RBFOX1: variants seen among roughly 807,000 people sequenced by gnomAD.
The protein encoded by RBFOX1 is RNA binding protein fox-1 homolog 1.
Under a neutral mutation model 57.7 loss-of-function variants are expected in RBFOX1, and 8 were observed. The ratio of observed to expected loss-of-function variants is 0.14; its 90% CI spans 0.08 to 0.25. The LOEUF (loss-of-function observed/expected upper bound fraction) is 0.25. Among genes scored for constraint, RBFOX1 ranks in the 10% least tolerant of loss-of-function variants. The pLI, the probability that RBFOX1 is intolerant of heterozygous loss-of-function variation, is 1.00. For synonymous variants in RBFOX1, 326 were observed against 222.4 expected (o/e 1.47, Z -4.15); for missense variants, 611 against 548.5 (o/e 1.11, Z -1.14).
chr16:5,286,314 C>A (rs879697623), intron 1 of RBFOX1, among the ~76,000 whole-genome samples: 5 of 152,030 alleles, frequency 3.3e-5, no homozygotes, highest in Non-Finnish European at 7.4e-5. Flanking sequence ...CACCATTGGG[C>A]TCCTGGGTGG....
chr16:5,956,678 A>ATTTTTTTTTTT (rs34743228), intron 4 of RBFOX1, among the ~76,000 whole-genome samples: 3 of 116,482 alleles, frequency 2.6e-5, no homozygotes, highest in Admixed American at 1.0e-4. Flanking sequence ...ATATATATAT[A>ATTTTTTTTTTT]TTTTTTTTGA....
intron 3 of RBFOX1, among the ~76,000 whole-genome samples, chr16:5,788,105 G>A (rs777506156): frequency 2.0e-5 from 3 of 152,158 alleles, no homozygotes; most frequent in Non-Finnish European, 4.4e-5. Flanking sequence ...CTTCCTAGGC[G>A]GAGATTCGAC....
chr16:6,866,915 A>C (rs1311708976), intron 3 of RBFOX1, among the ~76,000 whole-genome samples: 1 of 151,920 alleles, frequency 6.6e-6, no homozygotes, highest in Non-Finnish European at 1.5e-5. Context: ...AGATAAGGAA[A>C]CCAGCCCTTA....
chr16:6,911,471 C>T (rs2071575825), intron 3 of RBFOX1, among the ~76,000 whole-genome samples: 1 of 152,104 alleles, frequency 6.6e-6, no homozygotes, highest in Non-Finnish European at 1.5e-5. Flanking sequence ...AGTGTGATCT[C>T]TGCCTTCACC....
At chr16:6,158,268 G>A (rs1244682759) in intron 1 of RBFOX1, among the ~76,000 whole-genome samples, 3 of 152,198 alleles carry the variant, frequency 2.0e-5, no homozygotes, top group Non-Finnish European at 1.5e-5. Context: ...AGTGGGTGGA[G>A]GGAAGTGAAG....
intron 3 of RBFOX1, among the ~76,000 whole-genome samples, chr16:6,981,129 A>T (rs1014054645): frequency 1.6e-4 from 24 of 148,390 alleles, no homozygotes; most frequent in Admixed American, 2.7e-4. Context: ...TTATTTTTTT[A>T]ATTTTAAATT....
At chr16:6,325,471 C>T (rs530673283) in intron 2 of RBFOX1, among the ~76,000 whole-genome samples, 12 of 152,278 alleles carry the variant, frequency 7.9e-5, no homozygotes, top group East Asian at 3.9e-4. Context: ...TATCGTTCAC[C>T]GGTTACCAAC....
intron 2 of RBFOX1, among the ~76,000 whole-genome samples, chr16:6,419,135 A>C (rs545594111): frequency 1.2e-4 from 18 of 152,140 alleles, no homozygotes; most frequent in Admixed American, 9.8e-4. Flanking sequence ...AATTTTCTAA[A>C]CCTTTTTCCA....
chr16:6,742,927 C>T (rs555542017), intron 3 of RBFOX1, among the ~76,000 whole-genome samples: 72 of 152,026 alleles, frequency 4.7e-4, no homozygotes, highest in Non-Finnish European at 8.4e-4. Context: ...GAAATCTATA[C>T]GTGTAATAAA....
chr16:5,357,974 T>G (rs1013142319), intron 1 of RBFOX1, among the ~76,000 whole-genome samples: 5 of 152,204 alleles, frequency 3.3e-5, no homozygotes, highest in African/African-American at 1.2e-4. Flanking sequence ...ATTAGTTTCC[T>G]AGAGCTGCTG....
chr16:6,536,682 T>C lies in RBFOX1; in HGVS notation c.-63-117921T>C, dbSNP rs148821129. ...TGAGGGTTCTTGGATTGCTATGATA[T>C]CTTCAGATTTTTATAGTAGGTGTCT... On this transcript the variant is annotated intron_variant, in intron 2 of 15. Coordinates refer to ENST00000550418, the MANE Select transcript of RBFOX1 (RefSeq NM_018723.4). 9.2e-5 allele frequency among the ~76,000 whole-genome samples: 14 copies of C among 152,242 alleles called. No homozygotes were observed. In the East Asian group the frequency reaches 1.9e-3, roughly 21 times the overall value.
chr16:6,812,837 A>G (rs2089076776), intron 3 of RBFOX1, among the ~76,000 whole-genome samples: 1 of 152,210 alleles, frequency 6.6e-6, no homozygotes, highest in Non-Finnish European at 1.5e-5. Context: ...GCAGTACCAT[A>G]GAAGATGGAG....
intron 4 of RBFOX1, among the ~76,000 whole-genome samples, chr16:7,341,013 A>T (rs889575209): frequency 6.6e-6 from 1 of 152,182 alleles, no homozygotes; most frequent in Non-Finnish European, 1.5e-5. Flanking sequence ...GTGTTCGGCA[A>T]TGTGAGCTTT....
intron 1 of RBFOX1, among the ~76,000 whole-genome samples, chr16:6,115,255 A>T (rs925922298): frequency 6.6e-6 from 1 of 152,224 alleles, no homozygotes; most frequent in Non-Finnish European, 1.5e-5. Context: ...TGTAAGAAAT[A>T]GTTGGCATAA....
At chr16:5,565,415 T>G (rs1393846172) in intron 2 of RBFOX1, among the ~76,000 whole-genome samples, 1 of 151,914 alleles carries the variant, frequency 6.6e-6, no homozygotes, top group African/African-American at 2.4e-5. Flanking sequence ...CACCTGAGGT[T>G]GGGAGTTCAA....
intron 3 of RBFOX1, among the ~76,000 whole-genome samples, chr16:6,847,519 A>G (rs2093821223): frequency 6.6e-6 from 1 of 152,114 alleles, no homozygotes; most frequent in South Asian, 2.1e-4. Context: ...TGGCCAAAGC[A>G]TGATACGCAA....
At chr16:7,560,663 T>C (rs989771872) in intron 5 of RBFOX1, among the ~76,000 whole-genome samples, 2 of 152,006 alleles carry the variant, frequency 1.3e-5, no homozygotes, top group Non-Finnish European at 2.9e-5. Flanking sequence ...TAAATTGAGA[T>C]TCAGAAAGGG....
intron 4 of RBFOX1, among the ~76,000 whole-genome samples, chr16:5,953,417 G>A (rs1215223632): frequency 6.6e-6 from 1 of 152,126 alleles, no homozygotes; most frequent in Non-Finnish European, 1.5e-5. Flanking sequence ...GGGGTGATTT[G>A]TGAGATTTTG....
chr16:7,656,524 T>G (rs2145055748), intron 12 of RBFOX1, among the ~76,000 whole-genome samples: 1 of 152,294 alleles, frequency 6.6e-6, no homozygotes, highest in South Asian at 2.1e-4. Flanking sequence ...AGCATAGAGG[T>G]TAGAAATACT....
Sources: gnomAD v4.1 joint callset for allele counts (sites outside exome capture counted in the v4.1 genomes callset) on GRCh38, gnomAD v4.1.1 for gene constraint, MANE v1.5 for transcripts, NCBI Gene and HGNC (gene_info 2026-07-23, HGNC 2026-07-21) for gene names.